Variants in SCAMP1 observed in about 807,000 individuals in gnomAD.
SCAMP1 encodes secretory carrier-associated membrane protein 1.
A neutral mutation model predicts 41.8 loss-of-function variants in SCAMP1; 15 were observed. The ratio of observed to expected loss-of-function variants is 0.36; its 90% CI spans 0.24 to 0.55. SCAMP1 has a LOEUF of 0.55. Ranked by LOEUF, SCAMP1 falls within the 20% of genes least tolerant of loss-of-function variation. The probability of loss-of-function intolerance (pLI) is 0.86; values close to 1 mark genes in which losing one functional copy is unlikely to be tolerated. For synonymous variants in SCAMP1, 135 were observed against 136.8 expected (o/e 0.99, Z 0.09); for missense variants, 341 against 412.6 (o/e 0.83, Z 1.50).
intron 1 of SCAMP1, among the ~76,000 whole-genome samples, chr5:78,362,129 T>A (rs193286715): frequency 6.6e-6 from 1 of 152,316 alleles, no homozygotes; most frequent in East Asian, 1.9e-4. Flanking sequence ...AGTATTGGAC[T>A]TGCTTCCATG....
intron 1 of SCAMP1, among the ~76,000 whole-genome samples, chr5:78,371,358 C>A (rs1305134473): frequency 1.3e-5 from 2 of 152,072 alleles, no homozygotes; most frequent in Non-Finnish European, 1.5e-5. Flanking sequence ...GTAAGGTCAA[C>A]TTTATTGTTT....
At chr5:78,459,493 A>G (rs1364546841) in intron 8 of SCAMP1, 131 bp downstream of exon 8, 1 of 570,040 alleles carries the variant, frequency 1.8e-6, no homozygotes, top group Non-Finnish European at 3.1e-6. Flanking sequence ...TCTGAGGATT[A>G]CTTTTTACAA....
intron 6 of SCAMP1, among the ~76,000 whole-genome samples, chr5:78,426,856 G>T (rs898716290): frequency 3.9e-5 from 6 of 152,124 alleles, no homozygotes; most frequent in African/African-American, 1.4e-4. Flanking sequence ...TTAGAATAAC[G>T]TTTTTGAGGT....
chr5:78,408,576 A>G (rs138799930), intron 2 of SCAMP1, among the ~76,000 whole-genome samples: 1 of 152,136 alleles, frequency 6.6e-6, no homozygotes, highest in African/African-American at 2.4e-5. Context: ...GAGATCTGCA[A>G]GTTGGTAGGT....
intron 8 of SCAMP1, among the ~76,000 whole-genome samples, chr5:78,464,417 C>T (rs202246492): frequency 2.0e-4 from 31 of 152,314 alleles, no homozygotes; most frequent in Middle Eastern, 3.4e-3. Context: ...AGCCACCACG[C>T]ACAGCCACTT....
rs1002124638 is a variant in SCAMP1, at chr5:78,479,583, A to G, written c.*3915A>G. ...TAGAGAGCTAGAAATAAATCTAGAAACTTTCTAAGCCAGGTATTGCCACTA... is the reference window on the plus strand; with the variant it reads ...TAGAGAGCTAGAAATAAATCTAGAAGCTTTCTAAGCCAGGTATTGCCACTA... On this transcript the variant is annotated 3_prime_UTR_variant, in exon 9 of 9. Coordinates refer to ENST00000621999, the MANE Select transcript of SCAMP1 (RefSeq NM_004866.6). Among the ~76,000 whole-genome samples, 1 of 152,214 alleles carries G rather than the reference A, an allele frequency of 6.6e-6. No homozygotes were observed. The highest frequency in any genetic ancestry group is 2.4e-5 in the African/African-American group (1 of 41,456).
chr5:78,393,353 G>A (rs887491687), intron 2 of SCAMP1, among the ~76,000 whole-genome samples: 2 of 152,114 alleles, frequency 1.3e-5, no homozygotes. Flanking sequence ...ATTATTTTCT[G>A]TAGAGAAGAG....
intron 1 of SCAMP1, among the ~76,000 whole-genome samples, chr5:78,364,770 C>T (rs1340185362): frequency 6.6e-6 from 1 of 151,700 alleles, no homozygotes; most frequent in Non-Finnish European, 1.5e-5. Flanking sequence ...TGGAAAGTTA[C>T]TTAACCTCTT....
chr5:78,415,842 G>T (rs1279179330), intron 3 of SCAMP1, among the ~76,000 whole-genome samples: 1 of 152,042 alleles, frequency 6.6e-6, no homozygotes, highest in South Asian at 2.1e-4. Flanking sequence ...TTGAATTTAT[G>T]TATCATCTCA....
chr5:78,477,229 A>G lies in SCAMP1; in HGVS notation c.*1561A>G, dbSNP rs555968634. 1 of 152,278 alleles carries G rather than the reference A, an allele frequency of 6.6e-6. No homozygotes were observed. Among genetic ancestry groups the G allele is most frequent in the South Asian group, 2.1e-4 (1 of 4,832 alleles). 9.4% of individuals were successfully genotyped at this position (152,278 alleles called of 1,614,324 possible). On this transcript the variant is annotated 3_prime_UTR_variant, in exon 9 of 9. Transcript: ENST00000621999. ...TATCCATGAAGCAGCGCTGCATGTC[A>G]CTAGGTAACACAGATCCATCCAGAT...
chr5:78,438,722 T>A (rs750414938), intron 6 of SCAMP1, among the ~76,000 whole-genome samples: 21 of 152,250 alleles, frequency 1.4e-4, no homozygotes, highest in Non-Finnish European at 2.6e-4. Context: ...TGTAGGTGTC[T>A]ATCAGGTCCG....
At chr5:78,474,357 A>C (rs1753954454) in intron 8 of SCAMP1, among the ~76,000 whole-genome samples, 1 of 152,124 alleles carries the variant, frequency 6.6e-6, no homozygotes, top group Non-Finnish European at 1.5e-5. Context: ...TTCCTCTCCC[A>C]AGCTTTGAAC....
intron 6 of SCAMP1, among the ~76,000 whole-genome samples, chr5:78,431,962 TACAA>T (rs1393327116): frequency 6.6e-6 from 1 of 152,162 alleles, no homozygotes; most frequent in Non-Finnish European, 1.5e-5. Context: ...TCCTTTGTGT[TACAA>T]ACAATTTAGT....
chr5:78,457,487 T>C (rs563944809), intron 7 of SCAMP1, among the ~76,000 whole-genome samples: 3 of 152,086 alleles, frequency 2.0e-5, no homozygotes, highest in Non-Finnish European at 2.9e-5. Context: ...GCCTCCCAGT[T>C]AGGCTGCTCG....
chr5:78,419,475 C>T (rs1020825382), intron 5 of SCAMP1, among the ~76,000 whole-genome samples: 4 of 152,174 alleles, frequency 2.6e-5, no homozygotes, highest in South Asian at 2.1e-4. Flanking sequence ...CTGATGCTTA[C>T]ATCACTTTGA....
rs112692715 is a variant in SCAMP1 at position 78,363,223 on chromosome 5, T to C, written c.57+2495T>C. Among the ~76,000 whole-genome samples, 6 of 151,390 alleles carry C rather than the reference T, an allele frequency of 4.0e-5. No homozygotes were observed. In the East Asian group the frequency reaches 5.8e-4, roughly 15 times the overall value. On this transcript the variant is annotated intron_variant, in intron 1 of 8. Coordinates refer to ENST00000621999, the MANE Select transcript of SCAMP1 (RefSeq NM_004866.6). ...TTTTTCTTTCTTTCTTTCTTTCTTT[T>C]TTTTTTTGAGACGGAGTCTCCCTCT...
chr5:78,465,493 G>T (rs1753723770), intron 8 of SCAMP1, among the ~76,000 whole-genome samples: 1 of 152,220 alleles, frequency 6.6e-6, no homozygotes. Flanking sequence ...TGATTGGCAT[G>T]TGATAGGCAC....
At position 78,476,226 on chromosome 5, in the gene SCAMP1, A is replaced by C. The variant is rs1754001851; in HGVS notation, c.*558A>C. 1 of 152,100 alleles carries C rather than the reference A, an allele frequency of 6.6e-6. No individual in the cohort carries two copies. Among genetic ancestry groups the C allele is most frequent in the African/African-American group, 2.4e-5 (1 of 41,402 alleles). The allele number at this position is 152,100 out of a possible 1,614,324, so 9.4% of individuals were successfully genotyped here. A position where few individuals can be genotyped will look rare whatever the true frequency, so the allele number is the denominator to read the frequency against. On this transcript the variant is annotated 3_prime_UTR_variant, in exon 9 of 9. Coordinates refer to ENST00000621999, the MANE Select transcript of SCAMP1 (RefSeq NM_004866.6). ...CATCTTTTTCTTTTCTTTTTTTTAG[A>C]ATAGCTGATATTTTGATAACAATCT...
At chr5:78,383,157 A>C (rs996153727) in intron 1 of SCAMP1, among the ~76,000 whole-genome samples, 1 of 152,128 alleles carries the variant, frequency 6.6e-6, no homozygotes, top group Non-Finnish European at 1.5e-5. Flanking sequence ...TTGGTATCAC[A>C]TTGTGGTTTT....
Sources: gnomAD v4.1 joint callset for allele counts (sites outside exome capture counted in the v4.1 genomes callset) on GRCh38, gnomAD v4.1.1 for gene constraint, MANE v1.5 for transcripts, NCBI Gene and HGNC (gene_info 2026-07-23, HGNC 2026-07-21) for gene names.